The following KBTBD3 variants were observed in gnomAD, a reference collection of about 807,000 sequenced individuals.
KBTBD3 encodes the protein kelch repeat and BTB domain containing 3, also known as kelch repeat and BTB domain-containing protein 3.
Under a neutral mutation model 49.6 loss-of-function variants are expected in KBTBD3, and 38 were observed. That is an observed-to-expected ratio of 0.77 (90% CI 0.59 to 1.00). The LOEUF is 1.00. Among genes scored for constraint, KBTBD3 ranks in the 50% least tolerant of loss-of-function variants. The pLI, the probability that KBTBD3 is intolerant of heterozygous loss-of-function variation, is 0.00. For synonymous variants in KBTBD3, 214 were observed against 250.4 expected, an observed-to-expected ratio of 0.85 and a Z score of 1.37; for missense variants, 661 against 712.0, an observed-to-expected ratio of 0.93 and a Z score of 0.81.
chr11:106,066,650 C>T (rs2135015917), intron 2 of KBTBD3, among the ~76,000 whole-genome samples: 1 of 151,462 alleles, frequency 6.6e-6, no homozygotes, highest in East Asian at 1.9e-4. Flanking sequence ...CATGATAATA[C>T]CAGCTAATAT....
At chr11:106,058,776 TG>T (rs1860617389) in intron 3 of KBTBD3, 88 bp downstream of exon 3, 1 of 751,432 alleles carries the variant, frequency 1.3e-6, no homozygotes, top group Non-Finnish European at 2.2e-6. Context: ...TACTGTTGCA[TG>T]TTCTTGTGGG....
chr11:106,058,089 T>A, intron 3 of KBTBD3: 1 of 397,456 alleles, frequency 2.5e-6, no homozygotes, highest in East Asian at 3.6e-5. Flanking sequence ...AATTCTCTCC[T>A]ACTAAAAAAT....
intron 2 of KBTBD3, among the ~76,000 whole-genome samples, chr11:106,069,594 T>TA (rs540046688): frequency 0.027 from 3,872 of 144,712 alleles, 58 homozygotes; most frequent in Non-Finnish European, 0.04. Flanking sequence ...TATAAAATGC[T>TA]AAAAAAAAAA....
intron 2 of KBTBD3, 60 bp downstream of exon 2, chr11:106,076,447 T>A (rs1203512800): frequency 2.0e-5 from 3 of 152,136 alleles, no homozygotes; most frequent in African/African-American, 7.2e-5. Context: ...GATAAAAACA[T>A]AATAGAACCC....
chr11:106,066,277 TG>T (rs1860809675), intron 2 of KBTBD3, among the ~76,000 whole-genome samples: 2 of 152,322 alleles, frequency 1.3e-5, no homozygotes, highest in Non-Finnish European at 1.5e-5. Context: ...GCCATTTATT[TG>T]TTGTTTAGTT....
Position 106,052,643 on chromosome 11 carries a change from C to T in KBTBD3, c.*207G>A. 4.2e-6 allele frequency: 2 copies of T among 472,600 alleles called. No individual in the cohort carries two copies. Among genetic ancestry groups the T allele is most frequent in the East Asian group, 3.5e-5 (1 of 28,712 alleles). 29.3% of individuals were successfully genotyped at this position (472,600 alleles called of 1,614,324 possible). ...AAAATACTAAGTATTCTGGATTCCC[C>T]AAGGTTAAATTATATTCAGTATAAT... On this transcript the variant is annotated 3_prime_UTR_variant, in exon 4 of 4. Transcript: ENST00000531837.
intron 2 of KBTBD3, among the ~76,000 whole-genome samples, chr11:106,064,240 A>G (rs1175437473): frequency 1.3e-5 from 2 of 152,100 alleles, no homozygotes; most frequent in African/African-American, 4.8e-5. Context: ...TGATGAAAAC[A>G]AATGTTTAAA....
In KBTBD3 at chr11:106,057,320, A is replaced by C. The variant is rs183463793; in HGVS notation, c.233+1545T>G. On this transcript the variant is annotated intron_variant, in intron 3 of 3. Coordinates refer to ENST00000531837, the MANE Select transcript of KBTBD3 (RefSeq NM_198439.3). ...TTGCATATAAAATATGCATCTTAGTATTTCTATATCTTAAACCTTATTTTT... is the reference window on the plus strand; with the variant it reads ...TTGCATATAAAATATGCATCTTAGTCTTTCTATATCTTAAACCTTATTTTT... 1.1e-4 allele frequency: 16 copies of C among 152,358 alleles called. 1 individual carries two copies. In the East Asian group the frequency reaches 2.9e-3, roughly 27 times the overall value. 9.4% of individuals were successfully genotyped at this position (152,358 alleles called of 1,614,324 possible).
intron 3 of KBTBD3, 194 bp downstream of exon 3, chr11:106,058,671 G>A (rs917798774): frequency 2.3e-5 from 12 of 516,436 alleles, no homozygotes; most frequent in South Asian, 1.9e-4. Flanking sequence ...TGATCCGCCC[G>A]CCTTGGCCTC....
chr11:106,059,949 A>T (rs1269280650), intron 2 of KBTBD3, among the ~76,000 whole-genome samples: 1 of 152,212 alleles, frequency 6.6e-6, no homozygotes. Flanking sequence ...GCTTAAGACA[A>T]CAATTTATAA....
intron 3 of KBTBD3, among the ~76,000 whole-genome samples, chr11:106,055,300 G>T (rs1860529430): frequency 6.6e-6 from 1 of 152,074 alleles, no homozygotes; most frequent in Non-Finnish European, 1.5e-5. Flanking sequence ...TTTTACTATT[G>T]CTTCTGGTTT....
At position 106,051,871 on chromosome 11, in the gene KBTBD3, T is replaced by C. The variant is rs2134988496; in HGVS notation, c.*979A>G. 6.6e-6 allele frequency: 1 copy of C among 151,988 alleles called. No individual in the cohort carries two copies. The highest frequency in any genetic ancestry group is 1.9e-4 in the East Asian group (1 of 5,176). 9.4% of individuals were successfully genotyped at this position (151,988 alleles called of 1,614,324 possible). ...AGTGCTTTATAGTTGGTATACATCA[T>C]CACAGAAAATTGATATGGTACTAAT... On this transcript the variant is annotated 3_prime_UTR_variant, in exon 4 of 4. Coordinates refer to ENST00000531837, the MANE Select transcript of KBTBD3 (RefSeq NM_198439.3).
chr11:106,055,833 A>C (rs1226149520), intron 3 of KBTBD3, among the ~76,000 whole-genome samples: 2 of 152,222 alleles, frequency 1.3e-5, no homozygotes, highest in South Asian at 4.1e-4. Flanking sequence ...ATTTTAAAAA[A>C]TGTTTTCTAT....
At chr11:106,056,859 G>A (rs1860562705) in intron 3 of KBTBD3, among the ~76,000 whole-genome samples, 1 of 152,082 alleles carries the variant, frequency 6.6e-6, no homozygotes, top group Non-Finnish European at 1.5e-5. Context: ...AAGGATATGG[G>A]GGCAGAAAAG....
intron 2 of KBTBD3, among the ~76,000 whole-genome samples, chr11:106,068,081 A>T (rs1860843836): frequency 6.6e-6 from 1 of 152,048 alleles, no homozygotes; most frequent in Non-Finnish European, 1.5e-5. Context: ...GCACCAAATG[A>T]TAGAGCTGTA....
chr11:106,071,280 A>C (rs1860913050), intron 2 of KBTBD3, among the ~76,000 whole-genome samples: 1 of 152,182 alleles, frequency 6.6e-6, no homozygotes, highest in Admixed American at 6.5e-5. Flanking sequence ...CCAAAAGAAT[A>C]AAAACTGTAT....
intron 2 of KBTBD3, among the ~76,000 whole-genome samples, chr11:106,066,193 C>A (rs1860808127): frequency 6.6e-6 from 1 of 152,076 alleles, no homozygotes; most frequent in African/African-American, 2.4e-5. Flanking sequence ...AATTGGAGAA[C>A]AATACTATAC....
Position 106,051,808 on chromosome 11 carries a change from T to G in KBTBD3, c.*1042A>C, listed in dbSNP as rs991801082. ...TCATTTTTTTTAATTTAGAAAATAA[T>G]TCACTAAGAATAATTTACTGAAGTA... On this transcript the variant is annotated 3_prime_UTR_variant, in exon 4 of 4. Transcript: ENST00000531837. The G allele has an allele frequency of 4.6e-5, 7 of 151,910 alleles. No homozygotes were observed. Among genetic ancestry groups the G allele is most frequent in the Middle Eastern group, 3.4e-3 (1 of 294 alleles). 9.4% of individuals were successfully genotyped at this position (151,910 alleles called of 1,614,324 possible). A position where few individuals can be genotyped will look rare whatever the true frequency, so the allele number is the denominator to read the frequency against.
At chr11:106,075,687 A>G in intron 2 of KBTBD3, 1 of 152,334 alleles carries the variant, frequency 6.6e-6, no homozygotes, top group Non-Finnish European at 1.5e-5. Context: ...ACAGGGTGAT[A>G]GGTTTGGGGC....
Sources: allele counts gnomAD v4.1 joint callset (sites outside exome capture counted in the v4.1 genomes callset), GRCh38; gene constraint gnomAD v4.1.1; transcripts MANE v1.5; gene names NCBI Gene and HGNC (gene_info 2026-07-23, HGNC 2026-07-21).